Variants in EFCAB6 observed in about 807,000 individuals in gnomAD.
EFCAB6 encodes the protein EF-hand calcium binding domain 6.
Under a neutral mutation model 169.8 loss-of-function variants are expected in EFCAB6, and 156 were observed. The observed-to-expected ratio is 0.92, with a 90% CI of 0.81 to 1.05. EFCAB6 has a LOEUF of 1.05. Among genes scored for constraint, EFCAB6 ranks in the 50% least tolerant of loss-of-function variants. The pLI is 0.00. For missense variants in EFCAB6, 1,800 were observed against 1,829.1 expected, an observed-to-expected ratio of 0.98 and a Z score of 0.29; for synonymous variants, 698 against 676.4, an observed-to-expected ratio of 1.03 and a Z score of -0.50.
intron 4 of EFCAB6, among the ~76,000 whole-genome samples, chr22:43,765,898 T>C (rs1459030671): frequency 6.6e-6 from 1 of 152,202 alleles, no homozygotes; most frequent in African/African-American, 2.4e-5. Flanking sequence ...ATAAAAGTAT[T>C]ATCTCAATGT....
At chr22:43,644,334 C>G (rs2056011385) in intron 17 of EFCAB6, among the ~76,000 whole-genome samples, 1 of 152,094 alleles carries the variant, frequency 6.6e-6, no homozygotes, top group African/African-American at 2.4e-5. Flanking sequence ...CGATGGGGAA[C>G]AAGCAGGGAG....
intron 6 of EFCAB6, among the ~76,000 whole-genome samples, chr22:43,739,859 G>A (rs1315346757): frequency 6.6e-6 from 1 of 151,160 alleles, no homozygotes; most frequent in Non-Finnish European, 1.5e-5. Flanking sequence ...TTGACTCCAC[G>A]AAGCAGCCAA....
intron 17 of EFCAB6, among the ~76,000 whole-genome samples, chr22:43,663,226 A>G (rs2057090317): frequency 6.6e-6 from 1 of 152,216 alleles, no homozygotes; most frequent in Non-Finnish European, 1.5e-5. Context: ...ACTATTGTCC[A>G]TTATACTTAG....
chr22:43,607,278 G>A (rs545509187), intron 22 of EFCAB6, among the ~76,000 whole-genome samples: 6 of 152,156 alleles, frequency 3.9e-5, no homozygotes, highest in South Asian at 2.1e-4. Context: ...TCCAGCCCCC[G>A]CTAGCCCCAT....
chr22:43,548,267 G>A (rs73172030), intron 27 of EFCAB6, among the ~76,000 whole-genome samples: 5,874 of 151,970 alleles, frequency 0.039, 125 homozygotes, highest in African/African-American at 0.051. Flanking sequence ...GCTGGGCAAG[G>A]TGGCTCATGT....
At chr22:43,763,589 T>C (rs1286401201) in intron 5 of EFCAB6, among the ~76,000 whole-genome samples, 1 of 152,186 alleles carries the variant, frequency 6.6e-6, no homozygotes, top group Non-Finnish European at 1.5e-5. Flanking sequence ...AATTTTCTAA[T>C]AATTCAGGAT....
intron 2 of EFCAB6, among the ~76,000 whole-genome samples, chr22:43,807,709 T>A (rs2062969818): frequency 6.6e-6 from 1 of 152,134 alleles, no homozygotes; most frequent in Admixed American, 6.5e-5. Flanking sequence ...CTCGACTAAA[T>A]TGGAAAAAAT....
chr22:43,581,750 A>C (rs2050741713), intron 24 of EFCAB6, among the ~76,000 whole-genome samples: 1 of 152,232 alleles, frequency 6.6e-6, no homozygotes. Flanking sequence ...AGATGAGCCA[A>C]GAGCTGAGCT....
chr22:43,603,214 A>G (rs2052654437), intron 22 of EFCAB6, among the ~76,000 whole-genome samples: 1 of 152,228 alleles, frequency 6.6e-6, no homozygotes, highest in Admixed American at 6.5e-5. Context: ...TAAACATTCT[A>G]TTCTCATCCA....
At chr22:43,739,858 C>G (rs907738730) in intron 6 of EFCAB6, among the ~76,000 whole-genome samples, 4 of 152,000 alleles carry the variant, frequency 2.6e-5, no homozygotes, top group Non-Finnish European at 4.4e-5. Flanking sequence ...CTTGACTCCA[C>G]GAAGCAGCCA....
intron 4 of EFCAB6, among the ~76,000 whole-genome samples, chr22:43,766,780 C>T (rs1255465051): frequency 6.6e-6 from 1 of 152,226 alleles, no homozygotes; most frequent in East Asian, 1.9e-4. Flanking sequence ...TCCCAAAGTT[C>T]TGGAATTATA....
At chr22:43,579,424 A>T (rs957421406) in intron 25 of EFCAB6, among the ~76,000 whole-genome samples, 9 of 151,082 alleles carry the variant, frequency 6.0e-5, no homozygotes, top group Admixed American at 5.9e-4. Context: ...CATTCTGTAC[A>T]TGCAGGCATC....
intron 4 of EFCAB6, 53 bp downstream of exon 4, chr22:43,772,839 T>C: frequency 6.3e-7 from 1 of 1,595,746 alleles, no homozygotes; most frequent in Non-Finnish European, 8.6e-7. Flanking sequence ...TCCCCTGATC[T>C]ACCTCAGCTT....
chr22:43,567,969 G>A (rs942674742), intron 26 of EFCAB6, among the ~76,000 whole-genome samples: 7 of 152,192 alleles, frequency 4.6e-5, no homozygotes, highest in African/African-American at 1.4e-4. Flanking sequence ...GAACACAGAA[G>A]CCTCCTGAAA....
intron 21 of EFCAB6, among the ~76,000 whole-genome samples, chr22:43,612,822 C>A (rs180843154): frequency 1.3e-5 from 2 of 150,662 alleles, no homozygotes; most frequent in African/African-American, 4.9e-5. Context: ...TTAACCTGGG[C>A]GGCGGAGGTT....
At chr22:43,743,414 G>T (rs7284390) in intron 6 of EFCAB6, among the ~76,000 whole-genome samples, 34,465 of 152,136 alleles carry the variant, frequency 0.23, 5,139 homozygotes, top group East Asian at 0.61. Flanking sequence ...CTAGTCACAG[G>T]TGCTGAAATG....
chr22:43,778,794 C>T (rs966005087), intron 3 of EFCAB6, among the ~76,000 whole-genome samples: 1 of 152,150 alleles, frequency 6.6e-6, no homozygotes, highest in Non-Finnish European at 1.5e-5. Flanking sequence ...GAGCTCACCT[C>T]GCTAGAAACC....
chr22:43,653,531 C>A (rs1721732586), intron 17 of EFCAB6, among the ~76,000 whole-genome samples: 1 of 152,166 alleles, frequency 6.6e-6, no homozygotes, highest in Non-Finnish European at 1.5e-5. Context: ...TGGAAGTCAT[C>A]ATTCCCATCC....
chr22:43,615,368 C>T (rs538407172), intron 21 of EFCAB6, among the ~76,000 whole-genome samples: 1 of 152,188 alleles, frequency 6.6e-6, no homozygotes, highest in East Asian at 1.9e-4. Context: ...GGGTATCCAC[C>T]CTGTAAATGT....
Sources: gnomAD v4.1 joint callset for allele counts (sites outside exome capture counted in the v4.1 genomes callset) on GRCh38, gnomAD v4.1.1 for gene constraint, MANE v1.5 for transcripts, NCBI Gene and HGNC (gene_info 2026-07-23, HGNC 2026-07-21) for gene names.